Variants in ALOX15B observed in about 807,000 individuals in gnomAD.
ALOX15B encodes polyunsaturated fatty acid lipoxygenase ALOX15B.
ALOX15B carries 74 observed loss-of-function variants against 73.8 expected under a neutral mutation model. The ratio of observed to expected loss-of-function variants is 1.00; its 90% CI spans 0.83 to 1.22. The LOEUF (loss-of-function observed/expected upper bound fraction) is 1.22, where lower values mean the gene tolerates loss of function less well. Ranked by LOEUF, ALOX15B falls within the 50% of genes most tolerant of loss-of-function variation. ALOX15B has a pLI of 0.00. For synonymous variants in ALOX15B, 353 were observed against 357.2 expected (o/e 0.99, Z 0.13); for missense variants, 896 against 859.9 (o/e 1.04, Z -0.52).
At chr17:8,042,928 T>C (rs1598163156) in intron 5 of ALOX15B, 44 bp downstream of exon 5, 1 of 1,471,074 alleles carries the variant, frequency 6.8e-7, no homozygotes, top group Non-Finnish European at 9.3e-7. Context: ...TCCTGGGGCA[T>C]CAGCTCCTGT....
In ALOX15B at chr17:8,048,589, A is replaced by C. The variant is rs1460347373; in HGVS notation, c.*24A>C. 6.2e-7 allele frequency: 1 copy of C among 1,609,390 alleles called. No homozygotes were observed. The highest frequency in any genetic ancestry group is 8.5e-7 in the Non-Finnish European group (1 of 1,177,222). The stretch of plus-strand genomic sequence containing the variant: ...AAATCCCAGGGGAACACAGGCCCAG[A>C]TGACATCCCTTTGACCACATCGCTC... On this transcript the variant is annotated 3_prime_UTR_variant, in exon 14 of 14. Coordinates refer to ENST00000380183, the MANE Select transcript of ALOX15B (RefSeq NM_001141.3).
At chr17:8,047,228 A>T (rs1287070183) in intron 10 of ALOX15B, 30 bp from the exon 11 acceptor site, 2 of 1,613,600 alleles carry the variant, frequency 1.2e-6, no homozygotes. Context: ...TCGGGGTTGG[A>T]GGCTGGACCT....
Position 8,040,597 on chromosome 17 carries a change from G to GAA in ALOX15B, c.449+615_449+616insAA, listed in dbSNP as rs752917454. Among the ~76,000 whole-genome samples the GAA allele has an allele frequency of 4.6e-3, 275 of 59,584 alleles. 1 individual carries two copies. The highest frequency in any genetic ancestry group is 0.018 in the African/African-American group (260 of 14,586). The allele number at this position is 59,584 out of a possible 152,430, so 39.1% of individuals were successfully genotyped here. On this transcript the variant is annotated intron_variant, in intron 3 of 13. Transcript: ENST00000380183. ...AAAAGGAAGGAAAGAGAGAAAGAAAGAGAGAGAAAGAAAGAAAGAAAGAAA... is the reference window on the plus strand; with the variant it reads ...AAAAGGAAGGAAAGAGAGAAAGAAAGAAAGAGAGAAAGAAAGAAAGAAAGAAA...
At chr17:8,039,710 C>T (rs1018203958) in intron 2 of ALOX15B, 105 bp downstream of exon 2, 3 of 1,277,650 alleles carry the variant, frequency 2.3e-6, no homozygotes, top group African/African-American at 1.5e-5. Flanking sequence ...GCTGGTGTGG[C>T]CACAGAGTAG....
intron 3 of ALOX15B, 145 bp downstream of exon 3, chr17:8,040,128 G>A (rs547604397): frequency 6.3e-5 from 46 of 735,440 alleles, no homozygotes; most frequent in African/African-American, 3.5e-4. Flanking sequence ...CTACAGGAAC[G>A]TATTAGAAAT....
At chr17:8,043,227 C>T (rs1009976682) in intron 5 of ALOX15B, among the ~76,000 whole-genome samples, 2 of 152,140 alleles carry the variant, frequency 1.3e-5, no homozygotes, top group African/African-American at 4.8e-5. Flanking sequence ...CTCATTGGAT[C>T]CAGTGAGGGT....
chr17:8,043,522 G>A (rs887020728), intron 5 of ALOX15B, among the ~76,000 whole-genome samples: 4 of 152,116 alleles, frequency 2.6e-5, no homozygotes, highest in African/African-American at 9.7e-5. Flanking sequence ...GGACTTTGTC[G>A]GCCATGGCAG....
chr17:8,048,565 A>T lies in ALOX15B; in HGVS notation c.2031A>T (p.Ter677TyrextTer9). Residue 677 changes from the stop codon to tyrosine (Y), a stop_lost, in exon 14 of 14, where the codon TAA (stop) becomes TAT (tyrosine). Coordinates refer to ENST00000380183, the MANE Select transcript of ALOX15B (RefSeq NM_001141.3). Reference protein sequence around the residue: ...PPLIENSVSI* With the variant: ...PPLIENSVSIY ...TCATCGAGAACAGCGTCTCCATCTA[A>T]ATCCCAGGGGAACACAGGCCCAGAT... 1 of 1,612,810 alleles carries T rather than the reference A, an allele frequency of 6.2e-7. No homozygotes were observed. The highest frequency in any genetic ancestry group is 1.3e-5 in the African/African-American group (1 of 74,966).
Position 8,045,244 on chromosome 17 carries a change from T to A in ALOX15B, c.856T>A (p.Ser286Thr). Residue 286 changes from serine (S) to threonine (T), a missense_variant, in exon 7 of 14, where the codon TCC becomes ACC. Coordinates refer to ENST00000380183, the MANE Select transcript of ALOX15B (RefSeq NM_001141.3). ...GATCTCCTTTCTTCTGCAGAAGGGC[T>A]CCCTGTTCTTGGTGGATCACGGCAT... ...TSLQAELEKG[S>T]LFLVDHGILS... The A allele has an allele frequency of 1.2e-6, 2 of 1,614,018 alleles. No homozygotes were observed. The highest frequency in any genetic ancestry group is 1.7e-6 in the Non-Finnish European group (2 of 1,179,986).
At position 8,046,712 on chromosome 17, in the gene ALOX15B, C is replaced by G. The variant is rs1233790468; in HGVS notation, c.1245C>G (p.Leu415=). ...GATACACCCTGCACATCAACACACTCGCCCGGGAGCTGCTTATCGTGCCAG... is the reference window on the plus strand; with the variant it reads ...GATACACCCTGCACATCAACACACTGGCCCGGGAGCTGCTTATCGTGCCAG... ...HTRYTLHINT[L]ARELLIVPGQ... The change falls in exon 9 of 14, where the codon CTC becomes CTG. Residue 415 remains leucine (L), a synonymous_variant. Coordinates refer to ENST00000380183, the MANE Select transcript of ALOX15B (RefSeq NM_001141.3). The G allele has an allele frequency of 1.7e-5, 27 of 1,613,860 alleles. No individual in the cohort carries two copies. Among genetic ancestry groups the G allele is most frequent in the Non-Finnish European group, 2.3e-5 (27 of 1,179,964 alleles).
Position 8,047,767 on chromosome 17 carries a change from C to A in ALOX15B, c.1703C>A (p.Pro568His). 1 of 1,614,136 alleles carries A rather than the reference C, an allele frequency of 6.2e-7. No individual in the cohort carries two copies. The highest frequency in any genetic ancestry group is 8.5e-7 in the Non-Finnish European group (1 of 1,180,022). The change falls in exon 13 of 14, where the codon CCC (proline) becomes CAC (histidine). Residue 568 changes from proline (P) to histidine (H), a missense_variant. Pro to His is a moderately conservative substitution (Grantham distance 77, BLOSUM62 -2). Transcript: ENST00000380183. ...CAGTTTGACTCCTGTGCTTGGATGC[C>A]CAACCTGCCACCCAGCATGCAGCTG... ...AGQFDSCAWM[P>H]NLPPSMQLPP... is the part of the protein sequence containing the mutation.
intron 5 of ALOX15B, among the ~76,000 whole-genome samples, chr17:8,043,735 T>C (rs1288004277): frequency 6.6e-6 from 1 of 151,754 alleles, no homozygotes; most frequent in African/African-American, 2.4e-5. Flanking sequence ...GGATGGAGAA[T>C]CAATGGGATT....
At chr17:8,045,117 G>T in intron 6 of ALOX15B, 116 bp downstream of exon 6, 1 of 1,585,636 alleles carries the variant, frequency 6.3e-7, no homozygotes, top group African/African-American at 1.3e-5. Flanking sequence ...CGCGTGCTGC[G>T]TGCCAAGCAC....
At chr17:8,044,245 A>G (rs1243706854) in intron 5 of ALOX15B, among the ~76,000 whole-genome samples, 1 of 151,878 alleles carries the variant, frequency 6.6e-6, no homozygotes, top group Non-Finnish European at 1.5e-5. Context: ...AACATGGAGA[A>G]ACCCTGTCTC....
rs947435949 is a variant in ALOX15B at position 8,047,733 on chromosome 17, C to T, written c.1681-12C>T. The T allele has an allele frequency of 6.2e-7, 1 of 1,614,154 alleles. No individual in the cohort carries two copies. Among genetic ancestry groups the T allele is most frequent in the Non-Finnish European group, 8.5e-7 (1 of 1,180,000 alleles). ...CAGCTCCTCAGCCTCATTCTGCCCT[C>T]TCGGCCTTCAGTTTGACTCCTGTGC... On this transcript the variant is annotated splice_polypyrimidine_tract_variant and intron_variant, in intron 12 of 13. Transcript: ENST00000380183.
intron 1 of ALOX15B, 37 bp from the exon 2 acceptor site, chr17:8,039,349 G>A: frequency 6.3e-7 from 1 of 1,597,484 alleles, no homozygotes; most frequent in East Asian, 2.2e-5. Context: ...GGGCGAGCAG[G>A]AGGGTCCGGC....
chr17:8,039,617 G>C lies in ALOX15B; in HGVS notation c.367+12G>C. On this transcript the variant is annotated intron_variant, in intron 2 of 13. Coordinates refer to ENST00000380183, the MANE Select transcript of ALOX15B (RefSeq NM_001141.3). ...GCAGGAGGGTACAGGTGAGGGGCGGGCCGGGCTGGGGCTGCAGGGGGAGCA... is the reference window on the plus strand; with the variant it reads ...GCAGGAGGGTACAGGTGAGGGGCGGCCCGGGCTGGGGCTGCAGGGGGAGCA... The C allele has an allele frequency of 1.8e-6, 2 of 1,099,432 alleles. No homozygotes were observed. The highest frequency in any genetic ancestry group is 2.3e-5 in the Admixed American group (1 of 43,138). The allele number at this position is 1,099,432 out of a possible 1,614,324, so 68.1% of individuals were successfully genotyped here. A position where few individuals can be genotyped will look rare whatever the true frequency, so the allele number is the denominator to read the frequency against.
chr17:8,046,087 C>A (rs1598165867), intron 8 of ALOX15B, among the ~76,000 whole-genome samples: 1 of 152,252 alleles, frequency 6.6e-6, no homozygotes, highest in East Asian at 1.9e-4. Flanking sequence ...GTTTCCTAGA[C>A]CCTGCTAGCT....
rs762294105 is a variant in ALOX15B, at chr17:8,046,678, C to T, written c.1211C>T (p.Pro404Leu). ...HCHPLFKLLI[P>L]HTRYTLHINT... ...TTTCCTGCCATGCAGCTGCTGATCC[C>T]GCACACCCGATACACCCTGCACATC... The change falls in exon 9 of 14, where the codon CCG becomes CTG. Residue 404 changes from proline to leucine, a missense_variant. Physicochemically the swap from Pro to Leu is moderately conservative, Grantham distance 98 (BLOSUM62 -3). Coordinates refer to ENST00000380183, the MANE Select transcript of ALOX15B (RefSeq NM_001141.3). 2.4e-5 allele frequency: 39 copies of T among 1,613,598 alleles called. No homozygotes were observed. The Middle Eastern group carries it at 5.0e-4, about 21-fold the overall frequency.
Sources: allele counts gnomAD v4.1 joint callset (sites outside exome capture counted in the v4.1 genomes callset), GRCh38; gene constraint gnomAD v4.1.1; transcripts MANE v1.5; gene names NCBI Gene and HGNC (gene_info 2026-07-23, HGNC 2026-07-21).